Variants in FGF10 observed in about 807,000 individuals in gnomAD.
The protein encoded by FGF10 is FGF-10.
A neutral mutation model predicts 19.8 loss-of-function variants in FGF10; 2 were observed. The observed-to-expected ratio is 0.10, with a 90% CI of 0.04 to 0.32. The LOEUF is 0.32. FGF10 is among the 10% of genes least tolerant of loss of function. The probability of loss-of-function intolerance (pLI) is 1.00; values close to 1 mark genes in which losing one functional copy is unlikely to be tolerated. For synonymous variants in FGF10, 112 were observed against 94.0 expected (o/e 1.19, Z -1.10); for missense variants, 191 against 246.3 (o/e 0.78, Z 1.50).
intron 1 of FGF10, among the ~76,000 whole-genome samples, chr5:44,372,911 T>C (rs1402615930): frequency 6.6e-6 from 1 of 152,076 alleles, no homozygotes; most frequent in Non-Finnish European, 1.5e-5. Flanking sequence ...ATGGCTAGAG[T>C]CTCTGCTTCT....
At chr5:44,377,591 G>A in intron 1 of FGF10, among the ~76,000 whole-genome samples, 1 of 151,878 alleles carries the variant, frequency 6.6e-6, no homozygotes, top group East Asian at 1.9e-4. Context: ...TACAGCTTGT[G>A]TCCTTGAAAA....
chr5:44,316,628 C>A (rs566965167), intron 1 of FGF10, among the ~76,000 whole-genome samples: 1 of 152,086 alleles, frequency 6.6e-6, no homozygotes, highest in Non-Finnish European at 1.5e-5. Context: ...ATTGACAGAA[C>A]GTGTGCATAG....
rs941243297 is a variant in FGF10 at position 44,303,332 on chromosome 5, A to C, written c.*1663T>G. Reference sequence around the variant, plus strand: ...TGTTGGAGAATCACAGAACGCCAGCATTTCCAAAGGTTAAACTTTAGTAAG... The same window carrying C: ...TGTTGGAGAATCACAGAACGCCAGCCTTTCCAAAGGTTAAACTTTAGTAAG... On this transcript the variant is annotated 3_prime_UTR_variant, in exon 3 of 3. Transcript: ENST00000264664. Among the ~76,000 whole-genome samples, 1 of 152,220 alleles carries C rather than the reference A, an allele frequency of 6.6e-6. No homozygotes were observed. Among genetic ancestry groups the C allele is most frequent in the Non-Finnish European group, 1.5e-5 (1 of 68,024 alleles).
rs1242427515 is a variant in FGF10 at position 44,366,662 on chromosome 5, A to T, written c.325+21696T>A. Among the ~76,000 whole-genome samples, 5 of 152,032 alleles carry T rather than the reference A, an allele frequency of 3.3e-5. No individual in the cohort carries two copies. The East Asian group carries it at 5.8e-4, about 18-fold the overall frequency. ...TTTGTGAATATCAATTTGCCTTCAA[A>T]AGCAAAAAAGCAAATCTTCCATTAG... On this transcript the variant is annotated intron_variant, in intron 1 of 2. Coordinates refer to ENST00000264664, the MANE Select transcript of FGF10 (RefSeq NM_004465.2).
intron 1 of FGF10, among the ~76,000 whole-genome samples, chr5:44,378,779 CT>C (rs1366170818): frequency 1.3e-5 from 2 of 152,196 alleles, no homozygotes; most frequent in African/African-American, 4.8e-5. Context: ...CTTCCTGCCT[CT>C]TTCCTCAATT....
chr5:44,333,507 GGAGCATC>G (rs1740783735), intron 1 of FGF10, among the ~76,000 whole-genome samples: 1 of 152,122 alleles, frequency 6.6e-6, no homozygotes, highest in Non-Finnish European at 1.5e-5. Flanking sequence ...TCCCATTTAT[GGAGCATC>G]ACTATGTCCT....
chr5:44,378,739 C>CT (rs1741924195), intron 1 of FGF10, among the ~76,000 whole-genome samples: 1 of 152,146 alleles, frequency 6.6e-6, no homozygotes, highest in Non-Finnish European at 1.5e-5. Flanking sequence ...CGATATTTCC[C>CT]TTTTTAAACA....
chr5:44,351,021 C>A (rs1741221197), intron 1 of FGF10, among the ~76,000 whole-genome samples: 1 of 151,332 alleles, frequency 6.6e-6, no homozygotes, highest in South Asian at 2.1e-4. Flanking sequence ...TTAAAATTAA[C>A]CTTCTTGGGT....
At chr5:44,331,122 G>A (rs1326311268) in intron 1 of FGF10, among the ~76,000 whole-genome samples, 1 of 152,080 alleles carries the variant, frequency 6.6e-6, no homozygotes, top group African/African-American at 2.4e-5. Context: ...TGAAGACATA[G>A]TTCTGAAAAA....
At chr5:44,314,147 C>T (rs116676983) in intron 1 of FGF10, among the ~76,000 whole-genome samples, 149 of 151,960 alleles carry the variant, frequency 9.8e-4, no homozygotes, top group African/African-American at 3.5e-3. Context: ...AAGGCAAGAG[C>T]AAATTATTAA....
At chr5:44,384,009 T>C (rs1201079016) in intron 1 of FGF10, among the ~76,000 whole-genome samples, 1 of 152,126 alleles carries the variant, frequency 6.6e-6, no homozygotes, top group Admixed American at 6.5e-5. Flanking sequence ...TCATTTTATA[T>C]GGTAAAGTGT....
intron 1 of FGF10, among the ~76,000 whole-genome samples, chr5:44,374,295 G>A (rs1044566039): frequency 1.3e-5 from 2 of 152,060 alleles, no homozygotes; most frequent in Non-Finnish European, 2.9e-5. Context: ...ATGGCATTAA[G>A]GGCCTACCTG....
At chr5:44,376,490 C>CAAAAAAAAAAAAAAA (rs764913349) in intron 1 of FGF10, among the ~76,000 whole-genome samples, 390 of 34,452 alleles carry the variant, frequency 0.011, 62 homozygotes, top group East Asian at 0.024. Flanking sequence ...ATACAAATGC[C>CAAAAAAAAAAAAAAA]AAAAAAAAAA....
chr5:44,386,232 A>G (rs1742094075), intron 1 of FGF10, among the ~76,000 whole-genome samples: 1 of 152,168 alleles, frequency 6.6e-6, no homozygotes, highest in Non-Finnish European at 1.5e-5. Flanking sequence ...ACACGTGATT[A>G]TTATTCTAGA....
chr5:44,333,030 C>T (rs1256204200), intron 1 of FGF10, among the ~76,000 whole-genome samples: 1 of 152,040 alleles, frequency 6.6e-6, no homozygotes, highest in Non-Finnish European at 1.5e-5. Context: ...ACAGTATATG[C>T]ATTAGGACTT....
chr5:44,386,949 A>G (rs1415278411), intron 1 of FGF10, among the ~76,000 whole-genome samples: 1 of 152,204 alleles, frequency 6.6e-6, no homozygotes, highest in African/African-American at 2.4e-5. Flanking sequence ...TTTCTAAACC[A>G]AGGAATCTTG....
chr5:44,329,065 A>C lies in FGF10; in HGVS notation c.326-18535T>G, dbSNP rs538972669. On this transcript the variant is annotated intron_variant, in intron 1 of 2. Coordinates refer to ENST00000264664, the MANE Select transcript of FGF10 (RefSeq NM_004465.2). ...AATTATTTCAAGTGGATTCCAACCCAGAATAACTAGTTGACGTATTTGAAG... is the reference window on the plus strand; with the variant it reads ...AATTATTTCAAGTGGATTCCAACCCCGAATAACTAGTTGACGTATTTGAAG... 1.2e-4 allele frequency among the ~76,000 whole-genome samples: 19 copies of C among 152,334 alleles called. No homozygotes were observed. The South Asian group carries it at 3.9e-3, about 32-fold the overall frequency.
intron 1 of FGF10, among the ~76,000 whole-genome samples, chr5:44,337,694 C>G (rs1740884256): frequency 1.3e-5 from 2 of 152,152 alleles, no homozygotes. Context: ...GTAATCCCAG[C>G]ACTTTGGGAG....
intron 1 of FGF10, among the ~76,000 whole-genome samples, chr5:44,328,001 A>G (rs1489057488): frequency 6.6e-6 from 1 of 152,168 alleles, no homozygotes; most frequent in South Asian, 2.1e-4. Flanking sequence ...ATTTCCTTAG[A>G]TGTCTTCCCA....
Sources: gnomAD v4.1 joint callset for allele counts (sites outside exome capture counted in the v4.1 genomes callset) on GRCh38, gnomAD v4.1.1 for gene constraint, MANE v1.5 for transcripts, NCBI Gene and HGNC (gene_info 2026-07-23, HGNC 2026-07-21) for gene names.